Variants in DAD1 observed in about 807,000 individuals in gnomAD.
DAD1 encodes the protein dolichyl-diphosphooligosaccharide--protein glycosyltransferase subunit DAD1.
A neutral mutation model predicts 9.0 loss-of-function variants in DAD1; 4 were observed. That is an observed-to-expected ratio of 0.44 (90% CI 0.22 to 1.01). The LOEUF is 1.01. Ranked by LOEUF, DAD1 falls within the 50% of genes least tolerant of loss-of-function variation. The pLI is 0.24. For synonymous variants in DAD1, 60 were observed against 62.5 expected, an observed-to-expected ratio of 0.96 and a Z score of 0.19; for missense variants, 119 against 137.3, an observed-to-expected ratio of 0.87 and a Z score of 0.67.
chr14:22,567,461 A>T (rs1199900675), intron 2 of DAD1, among the ~76,000 whole-genome samples: 1 of 152,250 alleles, frequency 6.6e-6, no homozygotes, highest in Non-Finnish European at 1.5e-5. Context: ...TTTAGAAGGC[A>T]CAGACTGTGT....
intron 2 of DAD1, among the ~76,000 whole-genome samples, chr14:22,568,126 C>T (rs2037013316): frequency 1.3e-5 from 2 of 152,210 alleles, no homozygotes; most frequent in South Asian, 4.1e-4. Context: ...AGTTCCCCCT[C>T]AGTCACTTAT....
At chr14:22,565,990 G>A (rs943107615) in intron 2 of DAD1, among the ~76,000 whole-genome samples, 3 of 152,182 alleles carry the variant, frequency 2.0e-5, no homozygotes, top group African/African-American at 7.2e-5. Context: ...CAGAAGAACC[G>A]GGCTGCCCCA....
chr14:22,581,578 C>T (rs567993493), intron 1 of DAD1, among the ~76,000 whole-genome samples: 1 of 138,616 alleles, frequency 7.2e-6, no homozygotes, highest in South Asian at 2.3e-4. Flanking sequence ...CCCGTCTCTA[C>T]TAAAAATACA....
At chr14:22,578,799 G>A (rs79266360) in intron 1 of DAD1, among the ~76,000 whole-genome samples, 253 of 151,992 alleles carry the variant, frequency 1.7e-3, no homozygotes, top group African/African-American at 5.9e-3. Flanking sequence ...TTCGCACTCT[G>A]TTAAAGGAAA....
intron 2 of DAD1, among the ~76,000 whole-genome samples, chr14:22,572,201 A>AT (rs5742811): frequency 5.0e-4 from 75 of 150,586 alleles, no homozygotes; most frequent in Non-Finnish European, 8.3e-4. Flanking sequence ...ATATTACAGA[A>AT]TTTTTTTTTT....
chr14:22,575,036 C>A, intron 2 of DAD1, 23 bp downstream of exon 2: 1 of 1,574,008 alleles, frequency 6.4e-7, no homozygotes, highest in Middle Eastern at 1.7e-4. Context: ...CATTATAGGA[C>A]AAGGACTATG....
chr14:22,584,754 C>T (rs1003703016), intron 1 of DAD1, among the ~76,000 whole-genome samples: 3 of 152,094 alleles, frequency 2.0e-5, no homozygotes, highest in Non-Finnish European at 4.4e-5. Context: ...GAAGCCAGAT[C>T]ATGAAAGAGC....
At chr14:22,577,564 A>G (rs1384286781) in intron 1 of DAD1, among the ~76,000 whole-genome samples, 1 of 152,238 alleles carries the variant, frequency 6.6e-6, no homozygotes, top group Admixed American at 6.5e-5. Context: ...ACGGATAAGC[A>G]AAGTGTGATG....
chr14:22,567,141 A>T (rs2037006831), intron 2 of DAD1: 1 of 152,250 alleles, frequency 6.6e-6, no homozygotes, highest in African/African-American at 2.4e-5. Flanking sequence ...AGACAGTGCC[A>T]TTTAATCAGT....
chr14:22,580,363 G>C (rs760747797), intron 1 of DAD1, among the ~76,000 whole-genome samples: 3 of 151,888 alleles, frequency 2.0e-5, no homozygotes, highest in Non-Finnish European at 2.9e-5. Flanking sequence ...GAGGTTGCAG[G>C]CTGCAGTGAG....
intron 1 of DAD1, among the ~76,000 whole-genome samples, chr14:22,585,383 T>C (rs2037145053): frequency 6.6e-6 from 1 of 152,118 alleles, no homozygotes; most frequent in Non-Finnish European, 1.5e-5. Flanking sequence ...AGCTTTCAGT[T>C]GGGCAAAAAA....
chr14:22,585,187 T>A (rs936636193), intron 1 of DAD1, among the ~76,000 whole-genome samples: 4 of 152,230 alleles, frequency 2.6e-5, no homozygotes, highest in Non-Finnish European at 2.9e-5. Flanking sequence ...TCAAACTGGT[T>A]TTGAATTTGT....
At chr14:22,587,458 C>G (rs1156523215) in intron 1 of DAD1, among the ~76,000 whole-genome samples, 1 of 152,084 alleles carries the variant, frequency 6.6e-6, no homozygotes, top group African/African-American at 2.4e-5. Flanking sequence ...GTGGAGAATA[C>G]TTAGAGCAAA....
chr14:22,569,227 G>A (rs2037021536), intron 2 of DAD1, among the ~76,000 whole-genome samples: 1 of 152,142 alleles, frequency 6.6e-6, no homozygotes, highest in South Asian at 2.1e-4. Flanking sequence ...AAAGTCAAAA[G>A]ATAGAGACCA....
At chr14:22,588,412 T>C (rs1260298099) in intron 1 of DAD1, among the ~76,000 whole-genome samples, 1 of 152,100 alleles carries the variant, frequency 6.6e-6, no homozygotes, top group Non-Finnish European at 1.5e-5. Flanking sequence ...TGAACAAAAA[T>C]TGGGTTCAGG....
chr14:22,581,287 TAA>T (rs1452158398), intron 1 of DAD1, among the ~76,000 whole-genome samples: 3 of 152,094 alleles, frequency 2.0e-5, no homozygotes, highest in Non-Finnish European at 4.4e-5. Context: ...AACAGGATAA[TAA>T]AGAGTGACTG....
At chr14:22,575,028 T>C (rs750913929) in intron 2 of DAD1, 31 bp downstream of exon 2, 1 of 1,552,836 alleles carries the variant, frequency 6.4e-7, no homozygotes, top group Non-Finnish European at 8.8e-7. Flanking sequence ...AAAATCAACA[T>C]TATAGGACAA....
At chr14:22,566,107 C>T (rs1182309364) in intron 2 of DAD1, among the ~76,000 whole-genome samples, 3 of 152,184 alleles carry the variant, frequency 2.0e-5, no homozygotes, top group South Asian at 2.1e-4. Flanking sequence ...AGCCAGAATG[C>T]TTTTATTTCA....
intron 1 of DAD1, among the ~76,000 whole-genome samples, chr14:22,584,590 T>C (rs952590940): frequency 2.7e-5 from 4 of 150,468 alleles, no homozygotes; most frequent in African/African-American, 9.8e-5. Flanking sequence ...GCACTTGAGC[T>C]GAGAAGTCTA....
Sources: gnomAD v4.1 joint callset for allele counts (sites outside exome capture counted in the v4.1 genomes callset) on GRCh38, gnomAD v4.1.1 for gene constraint, MANE v1.5 for transcripts, NCBI Gene and HGNC (gene_info 2026-07-23, HGNC 2026-07-21) for gene names.